Variants in PDILT observed in about 807,000 individuals in gnomAD.
PDILT encodes the protein protein disulfide isomerase like, testis expressed, also known as protein disulfide-isomerase-like protein of the testis.
A neutral mutation model predicts 53.7 loss-of-function variants in PDILT; 43 were observed. That is an observed-to-expected ratio of 0.80 (90% CI 0.63 to 1.03). The LOEUF (loss-of-function observed/expected upper bound fraction) is 1.03, where lower values mean the gene tolerates loss of function less well. Among genes scored for constraint, PDILT ranks in the 50% least tolerant of loss-of-function variants. The pLI, the probability that PDILT is intolerant of heterozygous loss-of-function variation, is 0.00. For synonymous variants in PDILT, 282 were observed against 274.2 expected (o/e 1.03, Z -0.28); for missense variants, 727 against 712.3 (o/e 1.02, Z -0.24).
intron 2 of PDILT, among the ~76,000 whole-genome samples, chr16:20,395,176 T>C (rs1001840784): frequency 2.0e-5 from 3 of 152,188 alleles, no homozygotes; most frequent in Non-Finnish European, 4.4e-5. Flanking sequence ...ATACTGAGAA[T>C]CAGCCATTTA....
At chr16:20,399,071 A>C in intron 2 of PDILT, 28 bp downstream of exon 2, 1 of 1,613,500 alleles carries the variant, frequency 6.2e-7, no homozygotes, top group Non-Finnish European at 8.5e-7. Context: ...CCCATCTATC[A>C]TCCATCACCC....
intron 3 of PDILT, among the ~76,000 whole-genome samples, chr16:20,382,093 C>A (rs1966468636): frequency 6.6e-6 from 1 of 152,046 alleles, no homozygotes; most frequent in Non-Finnish European, 1.5e-5. Context: ...GAGACAGGGT[C>A]TTGTTATGTT....
chr16:20,398,257 C>T (rs78709322), intron 2 of PDILT, among the ~76,000 whole-genome samples: 19,009 of 152,052 alleles, frequency 0.13, 1,911 homozygotes, highest in East Asian at 0.36. Flanking sequence ...GCAGCCTGCT[C>T]TGTCCCCCAA....
At chr16:20,392,235 A>G (rs1757075339) in intron 2 of PDILT, among the ~76,000 whole-genome samples, 1 of 152,188 alleles carries the variant, frequency 6.6e-6, no homozygotes, top group Non-Finnish European at 1.5e-5. Context: ...TGACTTTGAT[A>G]CTGAGTGGAT....
intron 7 of PDILT, 69 bp from the exon 8 acceptor site, chr16:20,369,758 G>C (rs1292030618): frequency 2.0e-6 from 3 of 1,485,280 alleles, no homozygotes; most frequent in Admixed American, 3.4e-5. Context: ...CTGAAAGGCT[G>C]TGGACTAAGG....
chr16:20,375,564 G>A lies in PDILT; in HGVS notation c.543+504C>T, dbSNP rs116828436. Among the ~76,000 whole-genome samples the A allele has an allele frequency of 5.6e-3, 847 of 152,296 alleles. 1 individual carries two copies. The highest frequency in any genetic ancestry group is 0.019 in the African/African-American group (775 of 41,568). On this transcript the variant is annotated intron_variant, in intron 4 of 11. Coordinates refer to ENST00000302451, the MANE Select transcript of PDILT (RefSeq NM_174924.2). ...TTTATAAACATTAAAAAATCTACAT[G>A]AAAGGCTATTATGAGACGTTTCATG...
intron 2 of PDILT, among the ~76,000 whole-genome samples, chr16:20,394,973 A>G (rs1567331514): frequency 6.6e-6 from 1 of 152,224 alleles, no homozygotes; most frequent in Non-Finnish European, 1.5e-5. Flanking sequence ...CCCAGTAAAC[A>G]CAGTGATCTT....
intron 2 of PDILT, among the ~76,000 whole-genome samples, chr16:20,394,107 C>G (rs1018108619): frequency 6.6e-6 from 1 of 152,140 alleles, no homozygotes; most frequent in African/African-American, 2.4e-5. Flanking sequence ...TCACTGAAAC[C>G]AGGCACTAGG....
At chr16:20,379,879 C>T (rs1008300703) in intron 3 of PDILT, among the ~76,000 whole-genome samples, 2 of 152,308 alleles carry the variant, frequency 1.3e-5, no homozygotes, top group East Asian at 1.9e-4. Flanking sequence ...GCTGTAATTC[C>T]CTCCTCTGAG....
intron 1 of PDILT, among the ~76,000 whole-genome samples, chr16:20,403,301 T>C (rs1279745988): frequency 6.6e-6 from 1 of 152,184 alleles, no homozygotes; most frequent in East Asian, 1.9e-4. Context: ...TTTATTTTTA[T>C]TGTTTGAGAC....
At chr16:20,375,313 T>C (rs565400381) in intron 4 of PDILT, among the ~76,000 whole-genome samples, 2 of 152,342 alleles carry the variant, frequency 1.3e-5, no homozygotes, top group East Asian at 1.9e-4. Context: ...GTGAACTTAA[T>C]GTCAAGAATT....
chr16:20,392,775 A>G (rs7202952), intron 2 of PDILT, among the ~76,000 whole-genome samples: 133,450 of 152,186 alleles, frequency 0.88, 59,292 homozygotes, highest in Middle Eastern at 0.94. Context: ...TGGTTGTGTC[A>G]AATGCAATTC....
At chr16:20,365,356 GGA>G in intron 9 of PDILT, 62 bp downstream of exon 9, 1 of 1,581,628 alleles carries the variant, frequency 6.3e-7, no homozygotes, top group South Asian at 1.1e-5. Context: ...CAACAATTCA[GGA>G]GAAACACTTG....
chr16:20,367,031 CTTTCTTTCTTTCTT>C (rs1245667905), intron 8 of PDILT, among the ~76,000 whole-genome samples: 11 of 10,110 alleles, frequency 1.1e-3, no homozygotes, highest in Middle Eastern at 0.056. Context: ...TTTCTTCTTT[CTTTCTTTCTTTCTT>C]TCTTTCTTTC....
intron 1 of PDILT, among the ~76,000 whole-genome samples, chr16:20,400,038 C>A (rs867537867): frequency 1.5e-4 from 19 of 122,672 alleles, no homozygotes; most frequent in African/African-American, 6.4e-4. Context: ...ATCTATCTAT[C>A]TATCTATCTA....
At position 20,393,584 on chromosome 16, in the gene PDILT, G is replaced by A. The variant is rs111852105; in HGVS notation, c.202+5515C>T. On this transcript the variant is annotated intron_variant, in intron 2 of 11. Coordinates refer to ENST00000302451, the MANE Select transcript of PDILT (RefSeq NM_174924.2). Reference sequence around the variant, plus strand: ...CAGGGGAGGCACCAGGACTCAGGGGGGCTGAGTTGTTGATGCTCCCATATC... The same window carrying A: ...CAGGGGAGGCACCAGGACTCAGGGGAGCTGAGTTGTTGATGCTCCCATATC... Among the ~76,000 whole-genome samples, 542 of 152,298 alleles carry A rather than the reference G, an allele frequency of 3.6e-3. 4 individuals carry two copies. The highest frequency in any genetic ancestry group is 0.012 in the African/African-American group (514 of 41,576).
chr16:20,384,010 T>C (rs755929600), intron 3 of PDILT, among the ~76,000 whole-genome samples: 1 of 152,254 alleles, frequency 6.6e-6, no homozygotes, highest in Non-Finnish European at 1.5e-5. Context: ...ATGAAAAATA[T>C]GATAGAACGT....
At chr16:20,379,000 G>C (rs946181740) in intron 3 of PDILT, among the ~76,000 whole-genome samples, 1 of 148,432 alleles carries the variant, frequency 6.7e-6, no homozygotes, top group African/African-American at 2.5e-5. Flanking sequence ...TGGGCATTTA[G>C]TTGCTCTCAT....
chr16:20,393,300 T>C (rs1966627500), intron 2 of PDILT, among the ~76,000 whole-genome samples: 1 of 152,062 alleles, frequency 6.6e-6, no homozygotes, highest in African/African-American at 2.4e-5. Context: ...GTAAAGAAAA[T>C]GGCCTAGGCT....
Sources: allele counts gnomAD v4.1 joint callset (sites outside exome capture counted in the v4.1 genomes callset), GRCh38; gene constraint gnomAD v4.1.1; transcripts MANE v1.5; gene names NCBI Gene and HGNC (gene_info 2026-07-23, HGNC 2026-07-21).